POU6F2: variants seen among roughly 807,000 people sequenced by gnomAD.
POU6F2 encodes the protein POU domain, class 6, transcription factor 2.
In POU6F2, 31 loss-of-function variants were observed where a neutral mutation model predicts 71.3. That is an observed-to-expected ratio of 0.43 (90% CI 0.33 to 0.59). The LOEUF (loss-of-function observed/expected upper bound fraction) is 0.59. Among genes scored for constraint, POU6F2 ranks in the 20% least tolerant of loss-of-function variants. The probability of loss-of-function intolerance (pLI) is 0.04; values close to 1 mark genes in which losing one functional copy is unlikely to be tolerated. For missense variants in POU6F2, 783 were observed against 856.8 expected (o/e 0.91, Z 1.07); for synonymous variants, 347 against 355.7 (o/e 0.98, Z 0.27).
At chr7:38,986,132 C>A (rs527968874) in intron 1 of POU6F2, among the ~76,000 whole-genome samples, 77 of 152,224 alleles carry the variant, frequency 5.1e-4, no homozygotes, top group African/African-American at 1.8e-3. Flanking sequence ...TATTTTGTCT[C>A]TGTTTTCAAT....
intron 2 of POU6F2, among the ~76,000 whole-genome samples, chr7:39,102,182 G>T (rs1370520374): frequency 6.6e-6 from 1 of 152,104 alleles, no homozygotes; most frequent in African/African-American, 2.4e-5. Context: ...TGTCTAAGTC[G>T]CTTATAATGA....
At chr7:39,223,454 A>G (rs916939839) in intron 4 of POU6F2, among the ~76,000 whole-genome samples, 3 of 152,160 alleles carry the variant, frequency 2.0e-5, no homozygotes, top group Non-Finnish European at 4.4e-5. Context: ...CTCTTTTTCT[A>G]TTGAACTCCA....
intron 2 of POU6F2, among the ~76,000 whole-genome samples, chr7:39,091,611 G>A (rs1043417983): frequency 2.0e-5 from 3 of 152,110 alleles, no homozygotes; most frequent in African/African-American, 7.2e-5. Context: ...CTGACTTAAA[G>A]GTTACATGGT....
intron 5 of POU6F2, among the ~76,000 whole-genome samples, chr7:39,352,576 C>A (rs1786159360): frequency 1.3e-5 from 2 of 152,172 alleles, no homozygotes; most frequent in African/African-American, 4.8e-5. Flanking sequence ...TCCTTAACCT[C>A]TTAAGGGGGC....
intron 1 of POU6F2, among the ~76,000 whole-genome samples, chr7:39,073,407 A>G (rs1790929194): frequency 6.7e-6 from 1 of 149,196 alleles, no homozygotes; most frequent in African/African-American, 2.5e-5. Context: ...CTTCTAGTTC[A>G]TGTTTTCCTG....
chr7:39,066,791 C>G (rs115934007), intron 1 of POU6F2, among the ~76,000 whole-genome samples: 2,027 of 149,916 alleles, frequency 0.014, 41 homozygotes, highest in African/African-American at 0.046. Context: ...CTGAGAATAT[C>G]TAAGACGTTT....
At chr7:39,247,200 G>T (rs1310095796) in intron 4 of POU6F2, among the ~76,000 whole-genome samples, 1 of 152,134 alleles carries the variant, frequency 6.6e-6, no homozygotes, top group East Asian at 1.9e-4. Context: ...CAAGCATGGT[G>T]TATCATGCCT....
At chr7:39,140,180 C>T (rs1584563404) in intron 2 of POU6F2, among the ~76,000 whole-genome samples, 3 of 152,244 alleles carry the variant, frequency 2.0e-5, no homozygotes. Flanking sequence ...CTCTGTGATG[C>T]CTACTTTTAC....
intron 2 of POU6F2, among the ~76,000 whole-genome samples, chr7:39,090,885 T>G (rs147289342): frequency 6.6e-6 from 1 of 152,270 alleles, no homozygotes; most frequent in Admixed American, 6.5e-5. Flanking sequence ...GCATAAGGTA[T>G]TTGTCAAAAA....
intron 1 of POU6F2, among the ~76,000 whole-genome samples, chr7:39,077,217 A>T (rs977379806): frequency 6.6e-6 from 1 of 152,212 alleles, no homozygotes; most frequent in Non-Finnish European, 1.5e-5. Flanking sequence ...CAGAAATTGA[A>T]TTGATGGTGC....
intron 4 of POU6F2, among the ~76,000 whole-genome samples, chr7:39,251,783 A>G (rs751403655): frequency 2.0e-5 from 3 of 152,154 alleles, no homozygotes; most frequent in Non-Finnish European, 4.4e-5. Flanking sequence ...CATGCTCCGG[A>G]CACCACAGTC....
chr7:39,457,805 T>C (rs1469079059), intron 8 of POU6F2, among the ~76,000 whole-genome samples: 1 of 152,050 alleles, frequency 6.6e-6, no homozygotes, highest in African/African-American at 2.4e-5. Flanking sequence ...ATCTTTTCAG[T>C]TTCAAACCTC....
At chr7:39,194,777 C>T (rs1018856270) in intron 2 of POU6F2, among the ~76,000 whole-genome samples, 3 of 152,196 alleles carry the variant, frequency 2.0e-5, no homozygotes, top group Non-Finnish European at 4.4e-5. Context: ...AGCTGTAACA[C>T]TCACCGCGAA....
intron 1 of POU6F2, among the ~76,000 whole-genome samples, chr7:38,993,825 T>C (rs1788669529): frequency 6.6e-6 from 1 of 152,198 alleles, no homozygotes; most frequent in Non-Finnish European, 1.5e-5. Context: ...AGCACTGGCC[T>C]CTTGCTGGTC....
chr7:39,009,843 T>G (rs1476206740), intron 1 of POU6F2, among the ~76,000 whole-genome samples: 3 of 150,602 alleles, frequency 2.0e-5, no homozygotes, highest in Non-Finnish European at 4.5e-5. Context: ...TTGCATATAT[T>G]GAACCAGCCT....
At chr7:39,225,359 C>T (rs1266695001) in intron 4 of POU6F2, among the ~76,000 whole-genome samples, 2 of 152,090 alleles carry the variant, frequency 1.3e-5, no homozygotes, top group African/African-American at 2.4e-5. Flanking sequence ...TTCCTAACTG[C>T]CCAACTTTCC....
At chr7:39,051,823 A>G (rs1790405511) in intron 1 of POU6F2, among the ~76,000 whole-genome samples, 1 of 152,270 alleles carries the variant, frequency 6.6e-6, no homozygotes, top group African/African-American at 2.4e-5. Context: ...CCTTATTCAA[A>G]CATAGTGTAT....
chr7:39,285,387 T>C (rs570461570), intron 4 of POU6F2, among the ~76,000 whole-genome samples: 1 of 152,310 alleles, frequency 6.6e-6, no homozygotes, highest in Admixed American at 6.5e-5. Flanking sequence ...GTATGTCGTG[T>C]ATTAGTCACT....
intron 6 of POU6F2, among the ~76,000 whole-genome samples, chr7:39,410,485 C>G (rs1280183141): frequency 6.6e-6 from 1 of 152,110 alleles, no homozygotes; most frequent in Admixed American, 6.5e-5. Context: ...TCCTAGTTCT[C>G]TTTGTTTACT....
Sources: gnomAD v4.1 joint callset for allele counts (sites outside exome capture counted in the v4.1 genomes callset) on GRCh38, gnomAD v4.1.1 for gene constraint, MANE v1.5 for transcripts, NCBI Gene and HGNC (gene_info 2026-07-23, HGNC 2026-07-21) for gene names.